Variants in FOXK2 observed in about 807,000 individuals in gnomAD.
FOXK2 encodes the protein forkhead box K2.
A neutral mutation model predicts 53.3 loss-of-function variants in FOXK2; 24 were observed. The ratio of observed to expected loss-of-function variants is 0.45; its 90% confidence interval spans 0.33 to 0.63. The LOEUF (loss-of-function observed/expected upper bound fraction) is 0.63. Ranked by LOEUF, FOXK2 falls within the 30% of genes least tolerant of loss-of-function variation. The pLI, the probability that FOXK2 is intolerant of heterozygous loss-of-function variation, is 0.03. For missense variants in FOXK2, 952 were observed against 910.5 expected, an observed-to-expected ratio of 1.05 and a Z score of -0.59; for synonymous variants, 505 against 407.1, an observed-to-expected ratio of 1.24 and a Z score of -2.89.
rs564413886 is a variant in FOXK2, at chr17:82,550,567, A to G, written c.420-12787A>G. 1.5e-3 allele frequency among the ~76,000 whole-genome samples: 223 copies of G among 150,220 alleles called. 1 individual carries two copies. Among genetic ancestry groups the G allele is most frequent in the African/African-American group, 5.1e-3 (206 of 40,664 alleles). On this transcript the variant is annotated intron_variant, in intron 1 of 8. Transcript: ENST00000335255. The stretch of plus-strand genomic sequence containing the variant: ...CCCCAGGCGGGAGTGCAGTGGCGCA[A>G]TCTCGGCTCACTACAAGCTCCGCCT...
chr17:82,533,362 C>T (rs568397199), intron 1 of FOXK2, among the ~76,000 whole-genome samples: 5 of 151,970 alleles, frequency 3.3e-5, no homozygotes, highest in African/African-American at 1.2e-4. Flanking sequence ...TGGTAGCACA[C>T]GCCTGTAATC....
chr17:82,520,399 A>T (rs1012650393), intron 1 of FOXK2, 92 bp downstream of exon 1: 2 of 1,081,150 alleles, frequency 1.8e-6, no homozygotes, highest in African/African-American at 3.3e-5. Flanking sequence ...GGGACCACCC[A>T]CGAGCGGGGG....
chr17:82,582,593 G>A, intron 4 of FOXK2, 148 bp from the exon 5 acceptor site: 1 of 613,300 alleles, frequency 1.6e-6, no homozygotes, highest in Non-Finnish European at 2.8e-6. Flanking sequence ...CACATTACTT[G>A]TGTGACGCAA....
At chr17:82,552,946 T>G (rs114697192) in intron 1 of FOXK2, among the ~76,000 whole-genome samples, 6,103 of 152,296 alleles carry the variant, frequency 0.04, 131 homozygotes, top group Non-Finnish European at 0.044. Context: ...TTCTTTCTTT[T>G]TTATTTTTGG....
chr17:82,527,458 G>T (rs535741500), intron 1 of FOXK2, among the ~76,000 whole-genome samples: 1 of 151,896 alleles, frequency 6.6e-6, no homozygotes, highest in East Asian at 1.9e-4. Context: ...GCGAAACTCC[G>T]ACTCTACTAA....
chr17:82,554,551 C>T (rs1164640693), intron 1 of FOXK2, among the ~76,000 whole-genome samples: 1 of 152,094 alleles, frequency 6.6e-6, no homozygotes, highest in African/African-American at 2.4e-5. Flanking sequence ...TTTATCAGGG[C>T]CCTCTGAACA....
intron 8 of FOXK2, chr17:82,596,285 ACAC>A (rs2143170362): frequency 1.2e-6 from 1 of 848,222 alleles, no homozygotes; most frequent in East Asian, 1.2e-4. Context: ...TAATTCTGGA[ACAC>A]GTTCCTTGCC....
At chr17:82,542,615 C>T (rs1396561780) in intron 1 of FOXK2, among the ~76,000 whole-genome samples, 7 of 152,088 alleles carry the variant, frequency 4.6e-5, no homozygotes, top group Admixed American at 6.5e-5. Context: ...CTGCCACACC[C>T]GGCAGAAGGG....
At chr17:82,575,979 C>T (rs1485284895) in intron 4 of FOXK2, among the ~76,000 whole-genome samples, 1 of 112,158 alleles carries the variant, frequency 8.9e-6, no homozygotes, top group Non-Finnish European at 1.8e-5. Flanking sequence ...GTGGCGGCGG[C>T]GGGTTCGTCC....
intron 5 of FOXK2, among the ~76,000 whole-genome samples, chr17:82,583,491 T>C (rs903474423): frequency 1.3e-5 from 2 of 152,230 alleles, no homozygotes; most frequent in African/African-American, 2.4e-5. Context: ...GAGATTGCAG[T>C]GAGCCGAGAT....
At chr17:82,585,338 G>A (rs1435853167) in intron 6 of FOXK2, 1 of 147,846 alleles carries the variant, frequency 6.8e-6, no homozygotes, top group South Asian at 2.1e-4. Context: ...TTGTTCGTTT[G>A]TCTTGAGACA....
intron 1 of FOXK2, among the ~76,000 whole-genome samples, chr17:82,542,201 G>A (rs1188359078): frequency 7.5e-6 from 1 of 133,176 alleles, no homozygotes; most frequent in Non-Finnish European, 1.6e-5. Flanking sequence ...CGTTCTTGTC[G>A]CCCAGGCTGG....
intron 3 of FOXK2, among the ~76,000 whole-genome samples, chr17:82,570,152 G>A (rs1014578709): frequency 6.6e-6 from 1 of 152,062 alleles, no homozygotes; most frequent in South Asian, 2.1e-4. Flanking sequence ...AACCCGGGAG[G>A]TGGAGCTTGC....
At chr17:82,525,877 G>T (rs2044412190) in intron 1 of FOXK2, among the ~76,000 whole-genome samples, 1 of 151,876 alleles carries the variant, frequency 6.6e-6, no homozygotes, top group African/African-American at 2.4e-5. Context: ...TTTCTTACGT[G>T]GCCTGAATCC....
At chr17:82,536,123 C>T (rs1463455940) in intron 1 of FOXK2, among the ~76,000 whole-genome samples, 2 of 152,250 alleles carry the variant, frequency 1.3e-5, no homozygotes, top group East Asian at 3.9e-4. Context: ...GGTGATCTGC[C>T]CATCTCGGCC....
At chr17:82,520,397 C>T in intron 1 of FOXK2, 90 bp downstream of exon 1, 2 of 1,099,614 alleles carry the variant, frequency 1.8e-6, no homozygotes, top group Non-Finnish European at 2.3e-6. Flanking sequence ...CCGGGACCAC[C>T]CACGAGCGGG....
chr17:82,573,976 C>T (rs966005398), intron 4 of FOXK2, among the ~76,000 whole-genome samples: 1 of 152,250 alleles, frequency 6.6e-6, no homozygotes, highest in African/African-American at 2.4e-5. Flanking sequence ...GCCCTTGGAG[C>T]AAGGCTCTCC....
intron 1 of FOXK2, among the ~76,000 whole-genome samples, chr17:82,536,958 C>T (rs536077451): frequency 6.6e-6 from 1 of 152,302 alleles, no homozygotes; most frequent in African/African-American, 2.4e-5. Flanking sequence ...AGTCAGACTC[C>T]AGACACATTA....
intron 1 of FOXK2, among the ~76,000 whole-genome samples, chr17:82,532,002 G>A (rs911648810): frequency 4.6e-5 from 7 of 151,920 alleles, no homozygotes; most frequent in Admixed American, 1.3e-4. Context: ...CGCCACGCCC[G>A]GCTAATTATT....
Sources: allele counts gnomAD v4.1 joint callset (sites outside exome capture counted in the v4.1 genomes callset), GRCh38; gene constraint gnomAD v4.1.1; transcripts MANE v1.5; gene names NCBI Gene and HGNC (gene_info 2026-07-23, HGNC 2026-07-21).